Variants in R3HDM1 observed in about 807,000 individuals in gnomAD.
The protein encoded by R3HDM1 is R3H domain-containing protein 1.
R3HDM1 carries 46 observed loss-of-function variants against 141.1 expected under a neutral mutation model. The observed-to-expected ratio is 0.33, with a 90% CI of 0.26 to 0.42. R3HDM1 has a LOEUF of 0.42. Among genes scored for constraint, R3HDM1 ranks in the 10% least tolerant of loss-of-function variants. R3HDM1 has a pLI of 1.00. For synonymous variants in R3HDM1, 435 were observed against 472.9 expected, an observed-to-expected ratio of 0.92 and a Z score of 1.04; for missense variants, 1,184 against 1,368.3, an observed-to-expected ratio of 0.87 and a Z score of 2.12.
intron 19 of R3HDM1, among the ~76,000 whole-genome samples, chr2:135,668,048 T>C (rs1465350416): frequency 6.6e-6 from 1 of 152,158 alleles, no homozygotes; most frequent in Non-Finnish European, 1.5e-5. Context: ...AAATGATCCT[T>C]TATTTTATGT....
At chr2:135,700,480 T>C (rs1369638379) in intron 21 of R3HDM1, among the ~76,000 whole-genome samples, 2 of 152,190 alleles carry the variant, frequency 1.3e-5, no homozygotes, top group African/African-American at 4.8e-5. Context: ...AGTAATATTA[T>C]TAAGTTCAGG....
In R3HDM1 at chr2:135,722,015, GAC is replaced by G; in HGVS notation, c.2964+11_2964+12del. 13 of 1,606,786 alleles carry G rather than the reference GAC, an allele frequency of 8.1e-6. No individual in the cohort carries two copies. The highest frequency in any genetic ancestry group is 1.1e-5 in the Non-Finnish European group (13 of 1,173,260). On this transcript the variant is annotated intron_variant, in intron 25 of 26. Transcript: ENST00000683871. ...ACATTCCAAACCAACAGGTAGGAAA[GAC>G]AACTAACCTCCTAGGCTTTGTTGCA...
At chr2:135,562,140 T>G (rs1216600225) in intron 1 of R3HDM1, among the ~76,000 whole-genome samples, 4 of 152,238 alleles carry the variant, frequency 2.6e-5, no homozygotes, top group Non-Finnish European at 5.9e-5. Context: ...CTCAGATAGT[T>G]ACAATGAAAT....
chr2:135,655,214 G>A (rs2065682264), intron 18 of R3HDM1, among the ~76,000 whole-genome samples: 1 of 152,114 alleles, frequency 6.6e-6, no homozygotes, highest in Non-Finnish European at 1.5e-5. Flanking sequence ...TGAGGCAAGA[G>A]TTCATCTTCA....
chr2:135,534,170 T>G (rs1695539820), intron 1 of R3HDM1, among the ~76,000 whole-genome samples: 1 of 152,208 alleles, frequency 6.6e-6, no homozygotes, highest in Non-Finnish European at 1.5e-5. Context: ...TGGAATACAT[T>G]TCAAATGGAT....
intron 1 of R3HDM1, among the ~76,000 whole-genome samples, chr2:135,563,349 A>C (rs1702132539): frequency 6.6e-6 from 1 of 152,246 alleles, no homozygotes; most frequent in Non-Finnish European, 1.5e-5. Flanking sequence ...TGATTTGCTG[A>C]GAATGAGAAC....
chr2:135,678,297 A>G (rs2069569730), intron 20 of R3HDM1, among the ~76,000 whole-genome samples: 1 of 151,970 alleles, frequency 6.6e-6, no homozygotes, highest in Admixed American at 6.6e-5. Flanking sequence ...AGCCAGGTAT[A>G]GAGAACAGTG....
At chr2:135,722,639 C>A in intron 26 of R3HDM1, 86 bp downstream of exon 26, 1 of 1,312,118 alleles carries the variant, frequency 7.6e-7, no homozygotes, top group Non-Finnish European at 1.1e-6. Flanking sequence ...GGGTTTTCCT[C>A]TTCCTAGAAT....
chr2:135,601,643 A>T (rs1452516085), intron 1 of R3HDM1, among the ~76,000 whole-genome samples: 2 of 152,186 alleles, frequency 1.3e-5, no homozygotes, highest in Non-Finnish European at 2.9e-5. Context: ...CGACTTCAAA[A>T]ATATAACATG....
intron 1 of R3HDM1, among the ~76,000 whole-genome samples, chr2:135,538,203 A>T (rs1427724706): frequency 6.6e-6 from 1 of 152,230 alleles, no homozygotes; most frequent in Non-Finnish European, 1.5e-5. Context: ...GACAATTCTA[A>T]CACCATGGTT....
chr2:135,722,323 G>A, intron 25 of R3HDM1, 146 bp from the exon 26 acceptor site: 2 of 788,934 alleles, frequency 2.5e-6, no homozygotes, highest in Non-Finnish European at 4.0e-6. Context: ...ACTGCCACAG[G>A]CAGAATCCAG....
At chr2:135,667,695 G>A (rs2067741829) in intron 19 of R3HDM1, 4 of 976,836 alleles carry the variant, frequency 4.1e-6, no homozygotes, top group Non-Finnish European at 4.9e-6. Context: ...GAAACCTGTT[G>A]ATACTTTTCA....
intron 3 of R3HDM1, among the ~76,000 whole-genome samples, chr2:135,612,873 A>C (rs1199064149): frequency 6.6e-6 from 1 of 152,266 alleles, no homozygotes; most frequent in Non-Finnish European, 1.5e-5. Context: ...AAAATATGAA[A>C]TAAAATGTTT....
intron 7 of R3HDM1, among the ~76,000 whole-genome samples, chr2:135,627,652 T>A (rs1205891390): frequency 6.6e-6 from 1 of 152,232 alleles, no homozygotes; most frequent in Non-Finnish European, 1.5e-5. Flanking sequence ...AGGAAAACAA[T>A]ACCATGGATT....
intron 20 of R3HDM1, among the ~76,000 whole-genome samples, chr2:135,678,322 C>T (rs748149056): frequency 6.6e-6 from 1 of 152,078 alleles, no homozygotes; most frequent in African/African-American, 2.4e-5. Flanking sequence ...GATTCTAGAA[C>T]TGAGTTTCTG....
At chr2:135,637,647 A>G (rs559090840) in intron 11 of R3HDM1, among the ~76,000 whole-genome samples, 1 of 152,280 alleles carries the variant, frequency 6.6e-6, no homozygotes, top group South Asian at 2.1e-4. Flanking sequence ...CTCTGTCTCA[A>G]AAGATTCAGA....
intron 1 of R3HDM1, among the ~76,000 whole-genome samples, chr2:135,546,400 G>T (rs1444996595): frequency 2.6e-5 from 4 of 152,140 alleles, no homozygotes; most frequent in Non-Finnish European, 5.9e-5. Context: ...GATGGGAATA[G>T]GGATGGGAGA....
At chr2:135,595,471 T>C (rs993006796) in intron 1 of R3HDM1, among the ~76,000 whole-genome samples, 6 of 152,236 alleles carry the variant, frequency 3.9e-5, no homozygotes, top group Non-Finnish European at 8.8e-5. Context: ...CTTACTAGTC[T>C]TGCTACTTTG....
intron 1 of R3HDM1, among the ~76,000 whole-genome samples, chr2:135,563,465 C>G (rs1259290344): frequency 6.6e-6 from 1 of 152,106 alleles, no homozygotes; most frequent in African/African-American, 2.4e-5. Flanking sequence ...ATATGTCTTC[C>G]TTTCGGTAAG....
Sources: gnomAD v4.1 joint callset for allele counts (sites outside exome capture counted in the v4.1 genomes callset) on GRCh38, gnomAD v4.1.1 for gene constraint, MANE v1.5 for transcripts, NCBI Gene and HGNC (gene_info 2026-07-23, HGNC 2026-07-21) for gene names.